The following SPAG16 variants were observed in gnomAD, a reference collection of about 807,000 sequenced individuals.
SPAG16 encodes the protein sperm associated antigen 16, also known as sperm-associated antigen 16 protein.
A neutral mutation model predicts 80.4 loss-of-function variants in SPAG16; 86 were observed. The ratio of observed to expected loss-of-function variants is 1.07; its 90% CI spans 0.90 to 1.28. The LOEUF is 1.28. Ranked by LOEUF, SPAG16 falls within the 50% of genes most tolerant of loss-of-function variation. The probability of loss-of-function intolerance (pLI) is 0.00; values close to 1 mark genes in which losing one functional copy is unlikely to be tolerated. For synonymous variants in SPAG16, 294 were observed against 265.9 expected (o/e 1.11, Z -1.03); for missense variants, 870 against 765.3 (o/e 1.14, Z -1.61).
chr2:213,733,693 G>A (rs2067159735), intron 10 of SPAG16, among the ~76,000 whole-genome samples: 1 of 152,012 alleles, frequency 6.6e-6, no homozygotes, highest in Admixed American at 6.6e-5. Flanking sequence ...ATTTTGTGGT[G>A]TCCTCATCAA....
At chr2:214,003,021 C>T (rs1243667778) in intron 12 of SPAG16, among the ~76,000 whole-genome samples, 1 of 152,094 alleles carries the variant, frequency 6.6e-6, no homozygotes, top group East Asian at 1.9e-4. Context: ...ATAAAGGCCT[C>T]GATATGTAGC....
intron 9 of SPAG16, among the ~76,000 whole-genome samples, chr2:213,443,886 T>A (rs1428994832): frequency 1.3e-5 from 2 of 152,152 alleles, no homozygotes; most frequent in Non-Finnish European, 2.9e-5. Flanking sequence ...GTGTGGGAAG[T>A]ACTCTCACTC....
chr2:213,449,533 C>T (rs181547810), intron 9 of SPAG16, among the ~76,000 whole-genome samples: 45 of 152,308 alleles, frequency 3.0e-4, no homozygotes, highest in Admixed American at 1.1e-3. Flanking sequence ...TCACCCCTCG[C>T]GGCCCAGATG....
At chr2:213,709,164 C>G (rs1299607508) in intron 10 of SPAG16, among the ~76,000 whole-genome samples, 1 of 152,144 alleles carries the variant, frequency 6.6e-6, no homozygotes, top group African/African-American at 2.4e-5. Context: ...ATTTAATAAC[C>G]ATGGTAGTTC....
At chr2:214,054,267 C>T (rs2049817592) in intron 13 of SPAG16, among the ~76,000 whole-genome samples, 1 of 152,188 alleles carries the variant, frequency 6.6e-6, no homozygotes, top group South Asian at 2.1e-4. Context: ...GCCTTGGCCT[C>T]CCAAAGTGCT....
intron 11 of SPAG16, among the ~76,000 whole-genome samples, chr2:213,901,770 G>A (rs906279835): frequency 6.6e-6 from 1 of 152,156 alleles, no homozygotes; most frequent in Non-Finnish European, 1.5e-5. Context: ...CAGACAAGAA[G>A]TTGAGTTGTA....
chr2:213,663,383 C>T (rs553698689), intron 10 of SPAG16, among the ~76,000 whole-genome samples: 1 of 151,964 alleles, frequency 6.6e-6, no homozygotes, highest in South Asian at 2.1e-4. Context: ...AAAAAATAAA[C>T]AGTAAGCAGT....
chr2:214,127,326 G>C (rs1298933167), intron 14 of SPAG16, among the ~76,000 whole-genome samples: 1 of 151,694 alleles, frequency 6.6e-6, no homozygotes, highest in Non-Finnish European at 1.5e-5. Flanking sequence ...ACTCTTCAGG[G>C]GGTCCAGTGA....
intron 15 of SPAG16, among the ~76,000 whole-genome samples, chr2:214,288,405 C>T (rs1693533660): frequency 6.6e-6 from 1 of 152,072 alleles, no homozygotes; most frequent in Non-Finnish European, 1.5e-5. Flanking sequence ...GTAGGTATCC[C>T]TTTGATACAC....
At chr2:213,691,773 G>A (rs962183302) in intron 10 of SPAG16, among the ~76,000 whole-genome samples, 1 of 151,874 alleles carries the variant, frequency 6.6e-6, no homozygotes, top group African/African-American at 2.4e-5. Flanking sequence ...TTTTTGTCTT[G>A]TTGTCCCCAC....
intron 9 of SPAG16, among the ~76,000 whole-genome samples, chr2:213,387,431 CTTTTTTTTT>C (rs71060428): frequency 5.4e-4 from 26 of 47,914 alleles, no homozygotes; most frequent in African/African-American, 2.1e-3. Context: ...AATGCATGCT[CTTTTTTTTT>C]TTTTTTTTTT....
chr2:213,406,797 C>T (rs759085928), intron 9 of SPAG16, among the ~76,000 whole-genome samples: 9 of 152,134 alleles, frequency 5.9e-5, no homozygotes, highest in Non-Finnish European at 1.3e-4. Context: ...GGGTCTCTCC[C>T]GGGATTACAT....
At chr2:214,235,109 T>C (rs1377227163) in intron 15 of SPAG16, among the ~76,000 whole-genome samples, 1 of 152,178 alleles carries the variant, frequency 6.6e-6, no homozygotes, top group Non-Finnish European at 1.5e-5. Context: ...AGTTAATGTA[T>C]ACCTAGATTT....
At chr2:213,334,219 A>G (rs1575234905) in intron 5 of SPAG16, among the ~76,000 whole-genome samples, 2 of 152,356 alleles carry the variant, frequency 1.3e-5, no homozygotes, top group Admixed American at 1.3e-4. Flanking sequence ...GTTCAACATC[A>G]TTGATCATCA....
chr2:213,738,191 G>T (rs768204233), intron 10 of SPAG16, among the ~76,000 whole-genome samples: 46 of 152,144 alleles, frequency 3.0e-4, no homozygotes, highest in Admixed American at 2.9e-3. Context: ...TGTAGAGCCA[G>T]TATAGTTAAG....
chr2:213,963,561 GCTCAAGT>G (rs2044563373), intron 12 of SPAG16, among the ~76,000 whole-genome samples: 1 of 152,068 alleles, frequency 6.6e-6, no homozygotes, highest in Non-Finnish European at 1.5e-5. Context: ...TTATAATGTT[GCTCAAGT>G]CTTCTATATC....
chr2:213,936,416 C>T (rs773980239), intron 12 of SPAG16, among the ~76,000 whole-genome samples: 1 of 152,096 alleles, frequency 6.6e-6, no homozygotes, highest in African/African-American at 2.4e-5. Context: ...AATAAGATGA[C>T]TCTGGCTACT....
chr2:214,360,985 G>T (rs923494224), intron 15 of SPAG16, among the ~76,000 whole-genome samples: 2 of 151,846 alleles, frequency 1.3e-5, no homozygotes, highest in Non-Finnish European at 2.9e-5. Flanking sequence ...GGTTCATCTG[G>T]ACTCTGAGTG....
At chr2:214,281,096 C>G in intron 15 of SPAG16, 1 of 389,610 alleles carries the variant, frequency 2.6e-6, no homozygotes, top group South Asian at 2.2e-5. Context: ...GTCACCTCCA[C>G]TTGGCCTTCA....
Sources: gnomAD v4.1 joint callset for allele counts (sites outside exome capture counted in the v4.1 genomes callset) on GRCh38, gnomAD v4.1.1 for gene constraint, MANE v1.5 for transcripts, NCBI Gene and HGNC (gene_info 2026-07-23, HGNC 2026-07-21) for gene names.